Variants in NFS1 observed in about 807,000 individuals in gnomAD.
NFS1 encodes the protein NFS1 cysteine desulfurase.
Under a neutral mutation model 57.3 loss-of-function variants are expected in NFS1, and 26 were observed. The observed-to-expected ratio is 0.45, with a 90% CI of 0.33 to 0.63. NFS1 has a LOEUF of 0.63. Among genes scored for constraint, NFS1 ranks in the 20% least tolerant of loss-of-function variants. The pLI, the probability that NFS1 is intolerant of heterozygous loss-of-function variation, is 0.02. For missense variants in NFS1, 505 were observed against 605.8 expected, an observed-to-expected ratio of 0.83 and a Z score of 1.75; for synonymous variants, 209 against 216.3, an observed-to-expected ratio of 0.97 and a Z score of 0.30.
At chr20:35,693,430 A>T (rs1328913103) in intron 4 of NFS1, among the ~76,000 whole-genome samples, 1 of 152,124 alleles carries the variant, frequency 6.6e-6, no homozygotes, top group African/African-American at 2.4e-5. Flanking sequence ...CATTGGTTTT[A>T]AAAAAACACA....
intron 5 of NFS1, among the ~76,000 whole-genome samples, chr20:35,688,365 G>A (rs1456224606): frequency 6.6e-6 from 1 of 152,104 alleles, no homozygotes; most frequent in Non-Finnish European, 1.5e-5. Flanking sequence ...GACCAGCCTG[G>A]CCAAGATGAT....
intron 2 of NFS1, 89 bp from the exon 3 acceptor site, chr20:35,697,889 G>A (rs953648967): frequency 3.7e-6 from 3 of 810,626 alleles, no homozygotes; most frequent in Non-Finnish European, 6.2e-6. Context: ...CCTGCCTTAA[G>A]ACACTCTCAA....
chr20:35,680,299 C>T (rs753568883), intron 7 of NFS1, among the ~76,000 whole-genome samples: 33 of 151,810 alleles, frequency 2.2e-4, no homozygotes, highest in Admixed American at 5.2e-4. Flanking sequence ...AGCGAGACTC[C>T]GTCTCAAGAA....
chr20:35,697,500 T>C (rs1030609383), intron 3 of NFS1, among the ~76,000 whole-genome samples, 184 bp downstream of exon 3: 2 of 152,184 alleles, frequency 1.3e-5, no homozygotes, highest in African/African-American at 4.8e-5. Context: ...CCAAGTCATT[T>C]AGCCAGGAAA....
At chr20:35,696,534 A>G (rs1601538508) in intron 3 of NFS1, 74 bp from the exon 4 acceptor site, 1 of 1,126,394 alleles carries the variant, frequency 8.9e-7, no homozygotes, top group East Asian at 2.4e-5. Flanking sequence ...CAGGTGGGAC[A>G]GCCCTGGAGC....
intron 5 of NFS1, chr20:35,682,786 A>G (rs1185052907): frequency 6.6e-6 from 1 of 151,042 alleles, no homozygotes; most frequent in Non-Finnish European, 1.5e-5. Context: ...CCTCAAAAAA[A>G]AAAAAAGAAA....
intron 6 of NFS1, 150 bp downstream of exon 6, chr20:35,681,738 G>T: frequency 2.0e-6 from 1 of 497,708 alleles, no homozygotes. Flanking sequence ...TTCAAATACT[G>T]CCTATGACAC....
intron 5 of NFS1, among the ~76,000 whole-genome samples, chr20:35,685,523 T>C (rs1483535659): frequency 7.2e-6 from 1 of 138,714 alleles, no homozygotes; most frequent in Non-Finnish European, 1.5e-5. Context: ...CCATGTCTCA[T>C]AAAAAAAAAT....
intron 5 of NFS1, among the ~76,000 whole-genome samples, chr20:35,687,828 T>C (rs1302120017): frequency 6.6e-6 from 1 of 152,124 alleles, no homozygotes; most frequent in Non-Finnish European, 1.5e-5. Flanking sequence ...CCGAGAAAGG[T>C]GGCTCACATC....
In NFS1 at chr20:35,675,248, G is replaced by C. The variant is rs1355042915; in HGVS notation, c.791-46C>G. On this transcript the variant is annotated intron_variant, in intron 7 of 12. Transcript: ENST00000374092. ...CAAAAAACAGAAAGAGAGAAAAGTA[G>C]ATAAAACAAAATATTTCTTTCCAAA... 2.0e-6 allele frequency: 3 copies of C among 1,516,088 alleles called. No homozygotes were observed. The Admixed American group carries it at 6.6e-5, about 33-fold the overall frequency. The allele number at this position is 1,516,088 out of a possible 1,614,324, so 93.9% of individuals were successfully genotyped here.
At chr20:35,676,354 G>A (rs1221816038) in intron 7 of NFS1, among the ~76,000 whole-genome samples, 4 of 151,824 alleles carry the variant, frequency 2.6e-5, no homozygotes, top group Admixed American at 6.6e-5. Context: ...TTGGGCAGCC[G>A]AGGCGGACAG....
intron 7 of NFS1, chr20:35,676,258 C>A: frequency 6.6e-6 from 1 of 152,522 alleles, no homozygotes; most frequent in Non-Finnish European, 1.5e-5. Flanking sequence ...GCACTCCAGC[C>A]TGGGCAACAA....
At chr20:35,683,856 G>A (rs1475760972) in intron 5 of NFS1, among the ~76,000 whole-genome samples, 1 of 151,214 alleles carries the variant, frequency 6.6e-6, no homozygotes, top group Non-Finnish European at 1.5e-5. Flanking sequence ...ACCTGGGTAT[G>A]GTGGCTCACG....
rs141567718 is a variant in NFS1, at chr20:35,687,415, C to CCTCT, written c.561+2994_561+2997dup. Among the ~76,000 whole-genome samples the CCTCT allele has an allele frequency of 9.3e-4, 137 of 147,968 alleles. No homozygotes were observed. The South Asian group carries it at 0.023, about 25-fold the overall frequency. On this transcript the variant is annotated intron_variant, in intron 5 of 12. Coordinates refer to ENST00000374092, the MANE Select transcript of NFS1 (RefSeq NM_021100.5). ...TGGCGTAAGCTGTCTCTCTCTCTCT[C>CCTCT]CTCTCTCTCTCTCTCTCTCTCTCTG...
intron 7 of NFS1, chr20:35,675,558 T>A: frequency 1.3e-5 from 3 of 230,388 alleles, no homozygotes; most frequent in Non-Finnish European, 2.5e-5. Context: ...GGCATGTCCA[T>A]ACAATGAAAT....
At position 35,695,117 on chromosome 20, in the gene NFS1, G is replaced by C. The variant is rs1440488143; in HGVS notation, c.408+1260C>G. On this transcript the variant is annotated intron_variant, in intron 4 of 12. Transcript: ENST00000374092. ...ACTCTTAGCGATCCTTGACCTGTTG[G>C]TTTGGAATCTGTGGAGACTTCCAAA... Among the ~76,000 whole-genome samples, 59 of 152,262 alleles carry C rather than the reference G, an allele frequency of 3.9e-4. 1 individual carries two copies. The highest frequency in any genetic ancestry group is 7.4e-5 in the Non-Finnish European group (5 of 68,018).
chr20:35,674,551 C>T lies in NFS1; in HGVS notation c.1015G>A (p.Asp339Asn). 1.2e-6 allele frequency: 2 copies of T among 1,614,218 alleles called. No individual in the cohort carries two copies. The highest frequency in any genetic ancestry group is 1.3e-5 in the African/African-American group (1 of 75,056). The change falls in exon 9 of 13, where the codon GAT becomes AAT. Residue 339 changes from aspartate (D) to asparagine (N), a missense_variant. Physicochemically the swap from Asp to Asn is conservative, Grantham distance 23. Transcript: ENST00000374092. Reference protein sequence around the residue: ...LIQNIMKSLPDVVMNGDPKHH... With the variant: ...LIQNIMKSLPNVVMNGDPKHH... ...TTAGGGTCCCCATTCATCACCACAT[C>T]TGGAAGGCTCTTCATTATATTCTGT... is the stretch of plus-strand genomic sequence containing the variant.
intron 12 of NFS1, among the ~76,000 whole-genome samples, chr20:35,670,401 C>G (rs2034634334): frequency 6.6e-6 from 1 of 152,180 alleles, no homozygotes; most frequent in Non-Finnish European, 1.5e-5. Context: ...GATAATGTTC[C>G]CAGACCAGAT....
intron 7 of NFS1, among the ~76,000 whole-genome samples, chr20:35,679,806 A>G (rs948101364): frequency 6.6e-5 from 10 of 152,110 alleles, no homozygotes; most frequent in Non-Finnish European, 1.5e-4. Context: ...CAACCCAAAA[A>G]AGGCCCTCAC....
Sources: allele counts gnomAD v4.1 joint callset (sites outside exome capture counted in the v4.1 genomes callset), GRCh38; gene constraint gnomAD v4.1.1; transcripts MANE v1.5; gene names NCBI Gene and HGNC (gene_info 2026-07-23, HGNC 2026-07-21).